The following ARID1A variants were observed in gnomAD, a reference collection of about 807,000 sequenced individuals.
ARID1A encodes the protein AT-rich interaction domain 1A, also known as AT-rich interactive domain-containing protein 1A.
Under a neutral mutation model 212.6 loss-of-function variants are expected in ARID1A, and 20 were observed. The ratio of observed to expected loss-of-function variants is 0.09; its 90% CI spans 0.07 to 0.14. The LOEUF is 0.14. ARID1A is among the 10% of genes least tolerant of loss of function. The pLI is 1.00. For missense variants in ARID1A, 2,587 were observed against 3,059.0 expected (o/e 0.85, Z 3.64); for synonymous variants, 1,376 against 1,222.1 (o/e 1.13, Z -2.63).
intron 1 of ARID1A, among the ~76,000 whole-genome samples, chr1:26,704,407 G>T (rs1319085525): frequency 6.6e-6 from 1 of 152,172 alleles, no homozygotes; most frequent in Non-Finnish European, 1.5e-5. Flanking sequence ...CAAGAGCCAC[G>T]AAGTAAGTAT....
chr1:26,711,312 G>A (rs2080451615), intron 1 of ARID1A, among the ~76,000 whole-genome samples: 1 of 151,888 alleles, frequency 6.6e-6, no homozygotes, highest in South Asian at 2.1e-4. Context: ...TAGTAGAGAC[G>A]AGATTTCACC....
At chr1:26,708,164 A>G (rs2080412184) in intron 1 of ARID1A, among the ~76,000 whole-genome samples, 1 of 148,002 alleles carries the variant, frequency 6.8e-6, no homozygotes, top group South Asian at 2.2e-4. Context: ...TCCATTGGTG[A>G]GAACTGGCAG....
intron 1 of ARID1A, among the ~76,000 whole-genome samples, chr1:26,701,492 A>G (rs558040818): frequency 1.3e-5 from 2 of 152,340 alleles, no homozygotes; most frequent in East Asian, 1.9e-4. Context: ...GACTCACAAC[A>G]GGAGGAGGAA....
chr1:26,715,107 G>A (rs1010056273), intron 1 of ARID1A, among the ~76,000 whole-genome samples: 3 of 152,220 alleles, frequency 2.0e-5, no homozygotes, highest in Admixed American at 2.0e-4. Context: ...AAAATAAAAA[G>A]AATGGGAGAA....
rs2080251902 is a variant in ARID1A at position 26,696,355 on chromosome 1, G to A, written c.-49G>A. The stretch of plus-strand genomic sequence containing the variant: ...CCCGGGGCGGGGTGGGAGGGGGGGA[G>A]AAGACGAAGACAGGGCCGGGTCTCT... On this transcript the variant is annotated 5_prime_UTR_variant, in exon 1 of 20. Transcript: ENST00000324856. The A allele has an allele frequency of 1.6e-6, 2 of 1,213,356 alleles. No individual in the cohort carries two copies. The highest frequency in any genetic ancestry group is 2.1e-6 in the Non-Finnish European group (2 of 975,404). 75.2% of individuals were successfully genotyped at this position (1,213,356 alleles called of 1,614,324 possible).
intron 1 of ARID1A, among the ~76,000 whole-genome samples, chr1:26,700,075 A>C (rs1409345275): frequency 4.6e-5 from 7 of 152,230 alleles, no homozygotes; most frequent in African/African-American, 1.7e-4. Context: ...AGACCCAGGG[A>C]ATGGGCTGGT....
intron 4 of ARID1A, among the ~76,000 whole-genome samples, chr1:26,740,317 A>G (rs1369315904): frequency 2.0e-5 from 3 of 152,234 alleles, no homozygotes; most frequent in Non-Finnish European, 4.4e-5. Context: ...CATTAGTAAA[A>G]TAGACATAAA....
At position 26,763,100 on chromosome 1, in the gene ARID1A, T is replaced by G; in HGVS notation, c.2547T>G (p.Pro849=). Reference sequence around the variant, plus strand: ...TGCATGGACAGCCTGGCATCCCACCTTATGGCACACTCCCTCCAGGGAGGA... The same window carrying G: ...TGCATGGACAGCCTGGCATCCCACCGTATGGCACACTCCCTCCAGGGAGGA... The part of the protein sequence containing the change: ...GQMHGQPGIP[P]YGTLPPGRMS... Residue 849 remains proline (P), a synonymous_variant, in exon 8 of 20, where the codon CCT becomes CCG. Coordinates refer to ENST00000324856, the MANE Select transcript of ARID1A (RefSeq NM_006015.6). 1 of 1,614,266 alleles carries G rather than the reference T, an allele frequency of 6.2e-7. No homozygotes were observed. Among genetic ancestry groups the G allele is most frequent in the Non-Finnish European group, 8.5e-7 (1 of 1,180,050 alleles).
At position 26,766,224 on chromosome 1, in the gene ARID1A, G is replaced by A. The variant is rs756667336; in HGVS notation, c.2736G>A (p.Pro912=). 23 of 1,611,700 alleles carry A rather than the reference G, an allele frequency of 1.4e-5. No homozygotes were observed. The highest frequency in any genetic ancestry group is 1.1e-4 in the South Asian group (10 of 90,546). ...HVAANSIQNR[P]PGYPNMNQGG... ...CACTTTCCATCTTCTTCCTTAGGCCGCCAGGCTACCCCAATATGAATCAAG... is the reference window on the plus strand; with the variant it reads ...CACTTTCCATCTTCTTCCTTAGGCCACCAGGCTACCCCAATATGAATCAAG... Residue 912 remains proline, a synonymous_variant, in exon 9 of 20, where the codon CCG becomes CCA. Transcript: ENST00000324856.
At chr1:26,777,833 C>T (rs1021091880) in intron 19 of ARID1A, among the ~76,000 whole-genome samples, 5 of 152,076 alleles carry the variant, frequency 3.3e-5, no homozygotes, top group Admixed American at 2.0e-4. Flanking sequence ...TTTGGGAGGC[C>T]AAGGTGGGTG....
rs1232964733 is a variant in ARID1A at position 26,697,412 on chromosome 1, TG to T, written c.1015del (p.Ala339LeufsTer24). The part of the protein sequence containing the change: ...KGPADMASQC[W>X]GAAAAAAAAA... ...CCCGGCGGACATGGCCTCGCAGTGTTGGGGGGCTGCGGCGGCGGCAGCTGCG... is the reference window on the plus strand; with the variant it reads ...CCCGGCGGACATGGCCTCGCAGTGTTGGGGGCTGCGGCGGCGGCAGCTGCG... On this transcript the variant is annotated frameshift_variant, in exon 1 of 20. Coordinates refer to ENST00000324856, the MANE Select transcript of ARID1A (RefSeq NM_006015.6). LOFTEE classifies it high-confidence loss of function. 1 of 1,349,392 alleles carries T rather than the reference TG, an allele frequency of 7.4e-7. No individual in the cohort carries two copies. Among genetic ancestry groups the T allele is most frequent in the South Asian group, 1.9e-5 (1 of 51,502 alleles). The allele number at this position is 1,349,392 out of a possible 1,614,324, so 83.6% of individuals were successfully genotyped here.
chr1:26,748,541 C>T (rs1014420657), intron 4 of ARID1A, among the ~76,000 whole-genome samples: 2 of 151,674 alleles, frequency 1.3e-5, no homozygotes, highest in African/African-American at 4.8e-5. Flanking sequence ...GGGATTAGAA[C>T]AGCCCTATTC....
chr1:26,760,794 T>G, intron 4 of ARID1A, 62 bp from the exon 5 acceptor site: 1 of 1,516,210 alleles, frequency 6.6e-7, no homozygotes, highest in East Asian at 2.3e-5. Flanking sequence ...GTAGTAGGAT[T>G]ATTGAAAGTA....
At position 26,697,384 on chromosome 1, in the gene ARID1A, G is replaced by A. The variant is rs1318626887; in HGVS notation, c.981G>A (p.Lys327=). Residue 327 remains lysine, a synonymous_variant, in exon 1 of 20, where the codon AAG becomes AAA. Transcript: ENST00000324856. ...SGGPQDGGAG[K]GPADMASQCW... The stretch of plus-strand genomic sequence containing the variant: ...GGCCCCAGGACGGGGGCGCCGGCAA[G>A]GGCCCGGCGGACATGGCCTCGCAGT... 7.6e-7 allele frequency: 1 copy of A among 1,316,598 alleles called. No individual in the cohort carries two copies. Among genetic ancestry groups the A allele is most frequent in the Non-Finnish European group, 9.6e-7 (1 of 1,040,190 alleles). 81.6% of individuals were successfully genotyped at this position (1,316,598 alleles called of 1,614,324 possible).
In ARID1A at chr1:26,750,391, A is replaced by T. The variant is rs764131398; in HGVS notation, c.1921-10465A>T. On this transcript the variant is annotated intron_variant, in intron 4 of 19. Transcript: ENST00000324856. ...GGTGGTTGGGAAACCAGCCAGCCTGATGTGTGTGAAAGGAGAGCTCAGTTG... is the reference window on the plus strand; with the variant it reads ...GGTGGTTGGGAAACCAGCCAGCCTGTTGTGTGTGAAAGGAGAGCTCAGTTG... 3.6e-4 allele frequency among the ~76,000 whole-genome samples: 55 copies of T among 152,144 alleles called. 1 individual carries two copies. The highest frequency in any genetic ancestry group is 2.9e-3 in the Admixed American group (45 of 15,274).
Position 26,696,256 on chromosome 1 carries a change from G to A in ARID1A, c.-148G>A, listed in dbSNP as rs938965990. Reference sequence around the variant, plus strand: ...AGCCGGCGGGGCGGGGGGGAGAGGAGCGAGCGCAGCGCAGCAGCGGAGCCC... The same window carrying A: ...AGCCGGCGGGGCGGGGGGGAGAGGAACGAGCGCAGCGCAGCAGCGGAGCCC... On this transcript the variant is annotated 5_prime_UTR_variant, in exon 1 of 20. Transcript: ENST00000324856. The A allele has an allele frequency of 6.0e-5, 61 of 1,019,614 alleles. No individual in the cohort carries two copies. Among genetic ancestry groups the A allele is most frequent in the Non-Finnish European group, 6.9e-5 (56 of 810,326 alleles). 63.2% of individuals were successfully genotyped at this position (1,019,614 alleles called of 1,614,324 possible).
In ARID1A at chr1:26,696,642, A is replaced by ATGGGGG. The variant is rs1387877704; in HGVS notation, c.243_248dup (p.Gly86_Gly87dup). On this transcript the variant is annotated inframe_insertion, in exon 1 of 20. Transcript: ENST00000324856. ...GAGCTGCAGGACGGGGCCGAGAGCA[A>ATGGGGG]TGGGGGTGGCGGCGGCGGCGGAGCC... 4 of 1,297,950 alleles carry ATGGGGG rather than the reference A, an allele frequency of 3.1e-6. No homozygotes were observed. Among genetic ancestry groups the ATGGGGG allele is most frequent in the Non-Finnish European group, 3.9e-6 (4 of 1,027,758 alleles). 80.4% of individuals were successfully genotyped at this position (1,297,950 alleles called of 1,614,324 possible).
intron 19 of ARID1A, 133 bp downstream of exon 19, chr1:26,775,840 C>A: frequency 7.3e-7 from 1 of 1,366,254 alleles, no homozygotes; most frequent in Non-Finnish European, 1.0e-6. Context: ...CAGTACTTTG[C>A]TTCCTTTGCC....
intron 4 of ARID1A, among the ~76,000 whole-genome samples, chr1:26,752,572 T>C (rs2080894354): frequency 6.6e-6 from 1 of 152,170 alleles, no homozygotes; most frequent in Non-Finnish European, 1.5e-5. Flanking sequence ...AGTAATTAAT[T>C]TTGTCTCAGT....
Sources: gnomAD v4.1 joint callset for allele counts (sites outside exome capture counted in the v4.1 genomes callset) on GRCh38, gnomAD v4.1.1 for gene constraint, MANE v1.5 for transcripts, NCBI Gene and HGNC (gene_info 2026-07-23, HGNC 2026-07-21) for gene names.